Variants in DPYD observed in about 807,000 individuals in gnomAD.
DPYD encodes the protein dihydropyrimidine dehydrogenase [NADP(+)].
In DPYD, 109 loss-of-function variants were observed where a neutral mutation model predicts 116.2. That is an observed-to-expected ratio of 0.94 (90% CI 0.80 to 1.10). The LOEUF (loss-of-function observed/expected upper bound fraction) is 1.10, where lower values mean the gene tolerates loss of function less well. DPYD is among the 50% of genes least tolerant of loss of function. The pLI, the probability that DPYD is intolerant of heterozygous loss-of-function variation, is 0.00. For missense variants in DPYD, 1,302 were observed against 1,254.5 expected (o/e 1.04, Z -0.57); for synonymous variants, 440 against 432.0 (o/e 1.02, Z -0.23).
At chr1:97,203,722 AT>A (rs1288389107) in intron 19 of DPYD, among the ~76,000 whole-genome samples, 1 of 110,392 alleles carries the variant, frequency 9.1e-6, no homozygotes, top group Non-Finnish European at 1.7e-5. Context: ...AACGCATGGA[AT>A]TTTTTTCTGA....
At chr1:97,093,009 T>C (rs1570441121) in intron 21 of DPYD, among the ~76,000 whole-genome samples, 1 of 152,124 alleles carries the variant, frequency 6.6e-6, no homozygotes, top group Admixed American at 6.6e-5. Flanking sequence ...CAGTTCCCCA[T>C]TCCCTTCTAA....
intron 20 of DPYD, among the ~76,000 whole-genome samples, chr1:97,149,452 C>A (rs1016684102): frequency 2.0e-5 from 3 of 152,230 alleles, no homozygotes; most frequent in Admixed American, 1.3e-4. Context: ...AGGGTTTCAC[C>A]ATGTTGGCCA....
chr1:97,601,826 T>C (rs947037777), intron 8 of DPYD, among the ~76,000 whole-genome samples: 3 of 151,934 alleles, frequency 2.0e-5, no homozygotes, highest in Non-Finnish European at 4.4e-5. Context: ...TCAGACAGAA[T>C]GCAGAAAAAA....
chr1:97,315,014 G>T (rs1332709122), intron 16 of DPYD, among the ~76,000 whole-genome samples: 5 of 151,930 alleles, frequency 3.3e-5, no homozygotes, highest in African/African-American at 4.8e-5. Flanking sequence ...TGGTAGAGGG[G>T]GCTCTGCAAT....
chr1:97,728,072 G>A (rs1206867588), intron 4 of DPYD, among the ~76,000 whole-genome samples: 1 of 151,948 alleles, frequency 6.6e-6, no homozygotes, highest in South Asian at 2.1e-4. Context: ...ACAGAGCTAT[G>A]TCAGGAGGGA....
chr1:97,919,801 T>C (rs906481018), intron 1 of DPYD, among the ~76,000 whole-genome samples: 1 of 152,188 alleles, frequency 6.6e-6, no homozygotes, highest in Admixed American at 6.5e-5. Context: ...CTTTGGCTCT[T>C]GTTACTAAAA....
chr1:97,401,019 T>C (rs1282094216), intron 14 of DPYD, among the ~76,000 whole-genome samples: 1 of 152,094 alleles, frequency 6.6e-6, no homozygotes, highest in African/African-American at 2.4e-5. Flanking sequence ...AATAGATGTG[T>C]AGTGGTACCT....
At chr1:97,446,357 T>C (rs1282217059) in intron 14 of DPYD, among the ~76,000 whole-genome samples, 1 of 151,984 alleles carries the variant, frequency 6.6e-6, no homozygotes, top group Non-Finnish European at 1.5e-5. Flanking sequence ...GCCTAAGGAG[T>C]CCCTGGTACA....
At chr1:97,313,560 AC>A (rs1667640532) in intron 16 of DPYD, among the ~76,000 whole-genome samples, 1 of 151,510 alleles carries the variant, frequency 6.6e-6, no homozygotes. Flanking sequence ...GATGACATAG[AC>A]CCACCTGTGT....
chr1:97,428,425 T>G (rs1239471376), intron 14 of DPYD, among the ~76,000 whole-genome samples: 7 of 152,072 alleles, frequency 4.6e-5, no homozygotes, highest in South Asian at 2.1e-4. Context: ...TTTTTAAAAA[T>G]TTAGTGCCCA....
intron 14 of DPYD, among the ~76,000 whole-genome samples, chr1:97,432,070 A>T (rs1241331587): frequency 6.6e-6 from 1 of 152,110 alleles, no homozygotes; most frequent in Non-Finnish European, 1.5e-5. Flanking sequence ...AAAATATTCC[A>T]TTGTGTATCT....
At chr1:97,384,247 A>G (rs1672169821) in intron 14 of DPYD, among the ~76,000 whole-genome samples, 1 of 48,014 alleles carries the variant, frequency 2.1e-5, no homozygotes, top group Non-Finnish European at 5.7e-5. Flanking sequence ...TTACTTTGAG[A>G]AAAAAAAAAA....
At chr1:97,371,419 C>T (rs1671306131) in intron 16 of DPYD, among the ~76,000 whole-genome samples, 1 of 152,184 alleles carries the variant, frequency 6.6e-6, no homozygotes, top group South Asian at 2.1e-4. Context: ...AATGACTCTT[C>T]AGTCCCCCAC....
intron 11 of DPYD, among the ~76,000 whole-genome samples, chr1:97,570,304 C>A (rs934471517): frequency 6.6e-6 from 1 of 151,928 alleles, no homozygotes; most frequent in Admixed American, 6.6e-5. Context: ...CCAGAGACTT[C>A]TGAGAGTGTA....
chr1:97,721,050 A>G, intron 5 of DPYD: 2 of 1,344,762 alleles, frequency 1.5e-6, no homozygotes, highest in Non-Finnish European at 2.0e-6. Flanking sequence ...ATGTGGTTAA[A>G]TAACATTACT....
At chr1:97,079,461 G>A (rs577358528) in intron 22 of DPYD, among the ~76,000 whole-genome samples, 1 of 152,192 alleles carries the variant, frequency 6.6e-6, no homozygotes, top group South Asian at 2.1e-4. Flanking sequence ...GGTCTTTCCA[G>A]TTCTACCAGG....
chr1:97,639,955 T>C (rs1657792709), intron 8 of DPYD, among the ~76,000 whole-genome samples: 1 of 152,186 alleles, frequency 6.6e-6, no homozygotes, highest in South Asian at 2.1e-4. Context: ...GCCTTTATTC[T>C]ACTCAACTTA....
At chr1:97,113,839 G>T (rs1651776118) in intron 20 of DPYD, among the ~76,000 whole-genome samples, 1 of 151,998 alleles carries the variant, frequency 6.6e-6, no homozygotes, top group Non-Finnish European at 1.5e-5. Context: ...TTCAGCATCT[G>T]GTAACTTGAC....
At chr1:97,586,266 A>G (rs1013497501) in intron 10 of DPYD, 1 of 151,930 alleles carries the variant, frequency 6.6e-6, no homozygotes, top group Non-Finnish European at 1.5e-5. Flanking sequence ...CAGGACAAAC[A>G]TAAGATAGAA....
Sources: gnomAD v4.1 joint callset for allele counts (sites outside exome capture counted in the v4.1 genomes callset) on GRCh38, gnomAD v4.1.1 for gene constraint, MANE v1.5 for transcripts, NCBI Gene and HGNC (gene_info 2026-07-23, HGNC 2026-07-21) for gene names.